The following ABCC4 variants were observed in gnomAD, a reference collection of about 807,000 sequenced individuals.
ABCC4 encodes the protein ATP-binding cassette sub-family C member 4.
In ABCC4, 102 loss-of-function variants were observed where a neutral mutation model predicts 168.5. The observed-to-expected ratio is 0.61, with a 90% CI of 0.52 to 0.71. The LOEUF (loss-of-function observed/expected upper bound fraction) is 0.71. Ranked by LOEUF, ABCC4 falls within the 30% of genes least tolerant of loss-of-function variation. ABCC4 has a pLI of 0.00. For missense variants in ABCC4, 1,402 were observed against 1,605.8 expected (o/e 0.87, Z 2.17); for synonymous variants, 617 against 590.7 (o/e 1.04, Z -0.65).
intron 29 of ABCC4, among the ~76,000 whole-genome samples, chr13:95,035,759 T>G (rs924443680): frequency 6.6e-6 from 1 of 152,194 alleles, no homozygotes; most frequent in Non-Finnish European, 1.5e-5. Flanking sequence ...TTGGCCCAAA[T>G]GACGTACCTA....
chr13:95,268,493 A>G (rs1483631396), intron 1 of ABCC4, among the ~76,000 whole-genome samples: 2 of 149,604 alleles, frequency 1.3e-5, no homozygotes, highest in East Asian at 3.9e-4. Context: ...TGCAGTTGAG[A>G]TAAGAGGAAG....
intron 20 of ABCC4, among the ~76,000 whole-genome samples, chr13:95,111,088 CA>C (rs1475159946): frequency 6.6e-6 from 1 of 151,426 alleles, no homozygotes; most frequent in East Asian, 1.9e-4. Context: ...TTTACGCAAA[CA>C]TACTATGTTT....
intron 1 of ABCC4, among the ~76,000 whole-genome samples, chr13:95,291,009 A>G (rs111945835): frequency 2.8e-4 from 34 of 123,342 alleles, no homozygotes; most frequent in Admixed American, 5.1e-4. Context: ...AAAAAAAAAA[A>G]AGAGGAAACC....
At chr13:95,266,569 A>G (rs917074919) in intron 1 of ABCC4, among the ~76,000 whole-genome samples, 1 of 152,194 alleles carries the variant, frequency 6.6e-6, no homozygotes, top group Non-Finnish European at 1.5e-5. Context: ...ACTCAGGCAT[A>G]TGGCAGACAT....
chr13:95,163,064 C>A, intron 18 of ABCC4, 58 bp downstream of exon 18: 1 of 1,208,794 alleles, frequency 8.3e-7, no homozygotes, highest in Non-Finnish European at 1.2e-6. Flanking sequence ...GTTACTCACA[C>A]AGGCTCATTG....
Position 95,301,416 on chromosome 13 carries a change from C to T in ABCC4, c.-102G>A. ...CAAGCAGGGATGCTGGGGCTCCGGC[C>T]GCCACGCCTGTCCGCTCGGCTGGAG... is the stretch of plus-strand genomic sequence containing the variant. On this transcript the variant is annotated 5_prime_UTR_variant, in exon 1 of 31. Coordinates refer to ENST00000645237, the MANE Select transcript of ABCC4 (RefSeq NM_005845.5). 1 of 1,034,576 alleles carries T rather than the reference C, an allele frequency of 9.7e-7. No individual in the cohort carries two copies. The highest frequency in any genetic ancestry group is 3.2e-4 in the Middle Eastern group (1 of 3,158). 64.1% of individuals were successfully genotyped at this position (1,034,576 alleles called of 1,614,324 possible). A position where few individuals can be genotyped will look rare whatever the true frequency, so the allele number is the denominator to read the frequency against.
Position 95,083,284 on chromosome 13 carries a change from G to A in ABCC4, c.2542C>T (p.Leu848=). 1 of 1,613,296 alleles carries A rather than the reference G, an allele frequency of 6.2e-7. No homozygotes were observed. The highest frequency in any genetic ancestry group is 8.5e-7 in the Non-Finnish European group (1 of 1,179,664). The change falls in exon 21 of 31, where the codon CTA becomes TTA. Residue 848 remains leucine, a synonymous_variant. Transcript: ENST00000645237. ...LTFLDFIQTL[L]QVVGVVSVAV... ...ACAGAGACCACACCAACCACTTGTA[G>A]CAATGTCTGAAATAGCAGAAGTAGA...
intron 19 of ABCC4, among the ~76,000 whole-genome samples, chr13:95,152,554 T>C (rs1469444916): frequency 2.0e-5 from 3 of 152,108 alleles, no homozygotes; most frequent in Non-Finnish European, 4.4e-5. Flanking sequence ...GGGTGGTAAA[T>C]ACGTAATTAC....
chr13:95,081,065 T>A (rs1169771012), intron 21 of ABCC4, among the ~76,000 whole-genome samples: 5 of 147,120 alleles, frequency 3.4e-5, no homozygotes. Flanking sequence ...GTTGGTGATC[T>A]GAGCGCATGG....
chr13:95,220,192 T>C lies in ABCC4; in HGVS notation c.532-9411A>G, dbSNP rs545955660. Among the ~76,000 whole-genome samples the C allele has an allele frequency of 8.9e-3, 1,178 of 132,704 alleles. 64 individuals are homozygous for C. Among genetic ancestry groups the C allele is most frequent in the Admixed American group, 0.076 (1,025 of 13,458 alleles). 87.1% of individuals were successfully genotyped at this position (132,704 alleles called of 152,430 possible). Reference sequence around the variant, plus strand: ...GCTTTCTGCTTCTAAAAGAATATTATAAGAAACAAATAAGAAATGTGTTTA... The same window carrying C: ...GCTTTCTGCTTCTAAAAGAATATTACAAGAAACAAATAAGAAATGTGTTTA... On this transcript the variant is annotated intron_variant, in intron 4 of 30. Coordinates refer to ENST00000645237, the MANE Select transcript of ABCC4 (RefSeq NM_005845.5).
intron 13 of ABCC4, among the ~76,000 whole-genome samples, chr13:95,172,457 G>C (rs1281090206): frequency 6.6e-6 from 1 of 151,882 alleles, no homozygotes; most frequent in Non-Finnish European, 1.5e-5. Context: ...TGTAATCCCA[G>C]CTACTCGGCT....
At chr13:95,075,353 A>G in intron 22 of ABCC4, 79 bp downstream of exon 22, 5 of 1,585,148 alleles carry the variant, frequency 3.2e-6, no homozygotes, top group Middle Eastern at 1.7e-4. Context: ...CCTGCCAACA[A>G]GCTCATCTGA....
intron 4 of ABCC4, among the ~76,000 whole-genome samples, chr13:95,219,831 CT>C (rs2039261882): frequency 6.6e-6 from 1 of 150,504 alleles, no homozygotes; most frequent in Non-Finnish European, 1.5e-5. Context: ...TTTTAAAAAT[CT>C]TTTTTATCAT....
At position 95,218,973 on chromosome 13, in the gene ABCC4, GA is replaced by G. The variant is rs1566539779; in HGVS notation, c.532-8193del. ...AGAAAGAAAGAAAGAAAGAAAGAAA[GA>G]AAGAAAGAAAGAGTGAGAAAGAAAG... On this transcript the variant is annotated intron_variant, in intron 4 of 30. Coordinates refer to ENST00000645237, the MANE Select transcript of ABCC4 (RefSeq NM_005845.5). 2.9e-3 allele frequency among the ~76,000 whole-genome samples: 110 copies of G among 38,494 alleles called. 9 individuals are homozygous for G. The highest frequency in any genetic ancestry group is 0.027 in the East Asian group (67 of 2,510). 25.3% of individuals were successfully genotyped at this position (38,494 alleles called of 152,430 possible). A position where few individuals can be genotyped will look rare whatever the true frequency, so the allele number is the denominator to read the frequency against.
Position 95,234,844 on chromosome 13 carries a change from G to A in ABCC4, c.307-10C>T, listed in dbSNP as rs45610534. On this transcript the variant is annotated splice_polypyrimidine_tract_variant and intron_variant, in intron 3 of 30. Transcript: ENST00000645237. ...TTACTTTGGCACTTTCCTAAAAGAAGAAAAAGAAAAGCCTTTAATTAGACA... is the reference window on the plus strand; with the variant it reads ...TTACTTTGGCACTTTCCTAAAAGAAAAAAAAGAAAAGCCTTTAATTAGACA... The A allele has an allele frequency of 1.6e-3, 2,437 of 1,515,134 alleles. 37 individuals carry two copies. In the African/African-American group the frequency reaches 0.03, roughly 18 times the overall value. The allele number at this position is 1,515,134 out of a possible 1,614,324, so 93.9% of individuals were successfully genotyped here.
chr13:95,126,728 T>TATATATATATATATATTCCAAA (rs2035777998), intron 19 of ABCC4, among the ~76,000 whole-genome samples: 2 of 63,510 alleles, frequency 3.1e-5, no homozygotes, highest in African/African-American at 1.4e-4. Flanking sequence ...GGAATATATA[T>TATATATATATATATATTCCAAA]ATATATATAT....
Position 95,247,079 on chromosome 13 carries a change from C to T in ABCC4, c.202G>A (p.Val68Ile). The T allele has an allele frequency of 1.2e-6, 2 of 1,613,614 alleles. No homozygotes were observed. The highest frequency in any genetic ancestry group is 1.1e-5 in the South Asian group (1 of 90,942). The change falls in exon 3 of 31, where the codon GTT becomes ATT. Residue 68 changes from valine to isoleucine, a missense_variant. Val to Ile is a conservative substitution (Grantham distance 29, BLOSUM62 3). Coordinates refer to ENST00000645237, the MANE Select transcript of ABCC4 (RefSeq NM_005845.5). ...EELQGFWDKE[V>I]LRAENDAQKP... ...TGTGCGTCATTCTCAGCTCTTAAAA[C>T]TTCTTTATCCCAGAACCTACAATGA...
At chr13:95,207,743 A>G in intron 7 of ABCC4, 57 bp downstream of exon 7, 1 of 1,558,000 alleles carries the variant, frequency 6.4e-7, no homozygotes, top group Non-Finnish European at 8.7e-7. Flanking sequence ...AAAACCATCA[A>G]CAAGAATAGC....
Position 95,160,445 on chromosome 13 carries a change from G to A in ABCC4, c.2455+744C>T, listed in dbSNP as rs372207848. ...GTCAGGAAGGCTAGCCTCAGAAGCA[G>A]GACAGATAAGAAGCGCATAGTGCAG... On this transcript the variant is annotated intron_variant, in intron 19 of 30. Transcript: ENST00000645237. Among the ~76,000 whole-genome samples the A allele has an allele frequency of 2.0e-5, 3 of 152,272 alleles. No homozygotes were observed. The East Asian group carries it at 5.8e-4, about 29-fold the overall frequency.
Sources: gnomAD v4.1 joint callset for allele counts (sites outside exome capture counted in the v4.1 genomes callset) on GRCh38, gnomAD v4.1.1 for gene constraint, MANE v1.5 for transcripts, NCBI Gene and HGNC (gene_info 2026-07-23, HGNC 2026-07-21) for gene names.